The following CUX2 variants were observed in gnomAD, a reference collection of about 807,000 sequenced individuals.
The protein encoded by CUX2 is cut like homeobox 2, also known as homeobox protein cut-like 2.
A neutral mutation model predicts 144.8 loss-of-function variants in CUX2; 40 were observed. That is an observed-to-expected ratio of 0.28 (90% CI 0.21 to 0.36). CUX2 has a LOEUF of 0.36. Among genes scored for constraint, CUX2 ranks in the 10% least tolerant of loss-of-function variants. The pLI, the probability that CUX2 is intolerant of heterozygous loss-of-function variation, is 1.00. For missense variants in CUX2, 1,615 were observed against 1,994.0 expected, an observed-to-expected ratio of 0.81 and a Z score of 3.62; for synonymous variants, 827 against 875.6, an observed-to-expected ratio of 0.94 and a Z score of 0.98.
Position 111,348,533 on chromosome 12 carries a change from C to T in CUX2, c.*208C>T. 1.7e-6 allele frequency: 1 copy of T among 581,272 alleles called. No homozygotes were observed. The highest frequency in any genetic ancestry group is 2.9e-5 in the East Asian group (1 of 34,226). 36.0% of individuals were successfully genotyped at this position (581,272 alleles called of 1,614,324 possible). ...AAATGCCATTGCCTCCACTTTTCTGCACCCCCCTGCTCCTCTTCACCCTGA... is the reference window on the plus strand; with the variant it reads ...AAATGCCATTGCCTCCACTTTTCTGTACCCCCCTGCTCCTCTTCACCCTGA... On this transcript the variant is annotated 3_prime_UTR_variant, in exon 22 of 22. Coordinates refer to ENST00000261726, the MANE Select transcript of CUX2 (RefSeq NM_015267.4).
intron 1 of CUX2, among the ~76,000 whole-genome samples, chr12:111,150,549 C>A (rs1876972070): frequency 6.6e-6 from 1 of 152,144 alleles, no homozygotes; most frequent in Non-Finnish European, 1.5e-5. Context: ...GGAAACACAA[C>A]AACAGATGAG....
At chr12:111,071,959 G>T (rs1043772720) in intron 1 of CUX2, among the ~76,000 whole-genome samples, 7 of 152,128 alleles carry the variant, frequency 4.6e-5, no homozygotes, top group African/African-American at 1.4e-4. Context: ...TCTCTGTCCT[G>T]TTCTATCGAT....
chr12:111,163,715 C>A (rs1419379639), intron 1 of CUX2, among the ~76,000 whole-genome samples: 1 of 152,226 alleles, frequency 6.6e-6, no homozygotes, highest in East Asian at 1.9e-4. Flanking sequence ...TAGGCTGCTG[C>A]TGCTTACAAC....
chr12:111,175,063 A>T (rs1878765986), intron 1 of CUX2, among the ~76,000 whole-genome samples: 1 of 152,220 alleles, frequency 6.6e-6, no homozygotes, highest in African/African-American at 2.4e-5. Context: ...GGGATGCAGC[A>T]TCTTAGAATC....
At chr12:111,043,967 C>T (rs536027819) in intron 1 of CUX2, among the ~76,000 whole-genome samples, 23 of 152,286 alleles carry the variant, frequency 1.5e-4, no homozygotes, top group African/African-American at 5.3e-4. Flanking sequence ...CTGGCCCAGC[C>T]AGGGGCAGAG....
At chr12:111,282,354 C>T (rs899091080) in intron 4 of CUX2, among the ~76,000 whole-genome samples, 2 of 150,466 alleles carry the variant, frequency 1.3e-5, no homozygotes, top group African/African-American at 4.9e-5. Flanking sequence ...AGGCCGTGCG[C>T]CTTGGCTCAC....
At chr12:111,309,357 A>T (rs565462125) in intron 14 of CUX2, among the ~76,000 whole-genome samples, 35 of 152,202 alleles carry the variant, frequency 2.3e-4, no homozygotes, top group Non-Finnish European at 4.6e-4. Flanking sequence ...GCAAGGGCCC[A>T]TCTGCAGGTG....
chr12:111,078,196 G>T (rs865952976), intron 1 of CUX2, among the ~76,000 whole-genome samples: 1 of 152,194 alleles, frequency 6.6e-6, no homozygotes, highest in Non-Finnish European at 1.5e-5. Context: ...ACCAGACTAG[G>T]CATCGGGGAT....
intron 1 of CUX2, among the ~76,000 whole-genome samples, chr12:111,043,841 C>T (rs553514846): frequency 6.6e-6 from 1 of 152,308 alleles, no homozygotes; most frequent in East Asian, 1.9e-4. Flanking sequence ...CCTGTACATA[C>T]TCACGAGACA....
intron 3 of CUX2, among the ~76,000 whole-genome samples, chr12:111,242,410 A>G (rs1883066227): frequency 6.6e-6 from 1 of 152,206 alleles, no homozygotes; most frequent in Non-Finnish European, 1.5e-5. Flanking sequence ...CTGCTTTCCC[A>G]CGACAAGGGC....
chr12:111,161,377 G>C (rs1877758338), intron 1 of CUX2, among the ~76,000 whole-genome samples: 1 of 146,732 alleles, frequency 6.8e-6, no homozygotes, highest in African/African-American at 2.7e-5. Context: ...CCTCCCTGGA[G>C]GCTGGGACCA....
intron 4 of CUX2, among the ~76,000 whole-genome samples, chr12:111,286,370 A>G (rs935779903): frequency 3.9e-5 from 6 of 152,198 alleles, no homozygotes; most frequent in Non-Finnish European, 8.8e-5. Context: ...GGCCAGTTGC[A>G]GTAAGAGCTG....
chr12:111,337,352 CAAAAAAAAAA>C (rs1197695502), intron 19 of CUX2, among the ~76,000 whole-genome samples: 2 of 111,476 alleles, frequency 1.8e-5, no homozygotes, highest in Non-Finnish European at 3.9e-5. Flanking sequence ...GACCCTGTCT[CAAAAAAAAAA>C]AAAAAAGAAA....
At chr12:111,282,565 G>A (rs1885166250) in intron 4 of CUX2, among the ~76,000 whole-genome samples, 1 of 149,752 alleles carries the variant, frequency 6.7e-6, no homozygotes, top group Admixed American at 6.7e-5. Flanking sequence ...GGCGTAGGTT[G>A]CAGTGAGCTG....
In CUX2 at chr12:111,246,067, G is replaced by A. The variant is rs1352402756; in HGVS notation, c.223-17694G>A. ...AGAGCACAAACTTCAGGGCCAAGCT[G>A]CTCTGTCTCCCGATCCCTACTCTGC... On this transcript the variant is annotated intron_variant, in intron 3 of 21. Coordinates refer to ENST00000261726, the MANE Select transcript of CUX2 (RefSeq NM_015267.4). The surrounding 1 kb of genome is among the most constrained non-coding windows in gnomAD (Gnocchi z 4.0). Among the ~76,000 whole-genome samples, 2 of 152,154 alleles carry A rather than the reference G, an allele frequency of 1.3e-5. No individual in the cohort carries two copies. Among genetic ancestry groups the A allele is most frequent in the African/African-American group, 4.8e-5 (2 of 41,430 alleles).
intron 1 of CUX2, among the ~76,000 whole-genome samples, chr12:111,087,889 T>G (rs990276615): frequency 6.6e-6 from 1 of 152,130 alleles, no homozygotes; most frequent in Non-Finnish European, 1.5e-5. Context: ...AGCCAAAAAG[T>G]GGGAACACCC....
At chr12:111,275,256 A>T (rs1884813800) in intron 4 of CUX2, among the ~76,000 whole-genome samples, 1 of 152,210 alleles carries the variant, frequency 6.6e-6, no homozygotes, top group South Asian at 2.1e-4. Context: ...GCCATCTCTG[A>T]TGGCTCATAG....
intron 3 of CUX2, among the ~76,000 whole-genome samples, chr12:111,257,202 C>A (rs1434529124): frequency 6.7e-6 from 1 of 149,810 alleles, no homozygotes. Flanking sequence ...TCCCTCTTCC[C>A]TCCTCCTCCC....
In CUX2 at chr12:111,057,495, G is replaced by A. The variant is rs1220650700; in HGVS notation, c.63+23255G>A. 6.6e-6 allele frequency among the ~76,000 whole-genome samples: 1 copy of A among 152,138 alleles called. No homozygotes were observed. Among genetic ancestry groups the A allele is most frequent in the Non-Finnish European group, 1.5e-5 (1 of 68,026 alleles). ...ACCACCTTTCCTTGCTTTCCAAGCT[G>A]CCCTCTTGAGGGCCTCAGGGTGACC... On this transcript the variant is annotated intron_variant, in intron 1 of 21. Coordinates refer to ENST00000261726, the MANE Select transcript of CUX2 (RefSeq NM_015267.4). The surrounding 1 kb of genome is among the most constrained non-coding windows in gnomAD (Gnocchi z 5.1).
Sources: gnomAD v4.1 joint callset for allele counts (sites outside exome capture counted in the v4.1 genomes callset) on GRCh38, gnomAD v4.1.1 for gene constraint, Gnocchi (gnomAD v3.1) non-coding constraint, MANE v1.5 for transcripts, NCBI Gene and HGNC (gene_info 2026-07-23, HGNC 2026-07-21) for gene names.